The following KMT2D variants were observed in gnomAD, a reference collection of about 807,000 sequenced individuals.
KMT2D encodes histone-lysine N-methyltransferase 2D.
Under a neutral mutation model 512.7 loss-of-function variants are expected in KMT2D, and 55 were observed. The observed-to-expected ratio is 0.11, with a 90% CI of 0.09 to 0.13. The LOEUF (loss-of-function observed/expected upper bound fraction) is 0.13, where lower values mean the gene tolerates loss of function less well. Ranked by LOEUF, KMT2D falls within the 10% of genes least tolerant of loss-of-function variation. The pLI, the probability that KMT2D is intolerant of heterozygous loss-of-function variation, is 1.00. For synonymous variants in KMT2D, 2,995 were observed against 2,904.0 expected, an observed-to-expected ratio of 1.03 and a Z score of -1.01; for missense variants, 6,061 against 7,127.9, an observed-to-expected ratio of 0.85 and a Z score of 5.39.
rs1236146257 is a variant in KMT2D, at chr12:49,032,825, T to C, written c.11880A>G (p.Gln3960=). ...GCTGTTGAAACTGCTGCTGTTGTTG[T>C]TGCTGTTGCTGTTGTAGCTGCTGTT... ...QQQQQLQQQQ[Q]QQQQQFQQQQ... Residue 3960 remains glutamine, a synonymous_variant, in exon 40 of 55, where the codon CAA becomes CAG. Transcript: ENST00000301067. 6.4e-7 allele frequency: 1 copy of C among 1,550,678 alleles called. No homozygotes were observed. Among genetic ancestry groups the C allele is most frequent in the Non-Finnish European group, 8.7e-7 (1 of 1,146,950 alleles).
chr12:49,039,659 C>T lies in KMT2D; in HGVS notation c.8047-42G>A, dbSNP rs946297379. ...GAAGAGGAATAAGCCCATTCTACTC[C>T]AATCATAGGGCTGCCCCAGAGACAG... On this transcript the variant is annotated intron_variant, in intron 32 of 54. Coordinates refer to ENST00000301067, the MANE Select transcript of KMT2D (RefSeq NM_003482.4). The surrounding 1 kb of genome is among the most constrained non-coding windows in gnomAD (Gnocchi z 5.0). 7 of 1,602,462 alleles carry T rather than the reference C, an allele frequency of 4.4e-6. No homozygotes were observed. In the African/African-American group the frequency reaches 9.4e-5, roughly 21 times the overall value.
chr12:49,051,164 G>T lies in KMT2D; in HGVS notation c.2519C>A (p.Pro840Gln). Residue 840 changes from proline (P) to glutamine (Q), a missense_variant, in exon 11 of 55, where the codon CCA becomes CAA. Pro to Gln is a moderately conservative substitution (Grantham distance 76, BLOSUM62 -1). Around this residue, in one of 16 missense-constraint regions of KMT2D, gnomAD observed 848 missense variants for 838.5 expected, o/e 1.01. Coordinates refer to ENST00000301067, the MANE Select transcript of KMT2D (RefSeq NM_003482.4). The stretch of plus-strand genomic sequence containing the variant: ...TTCCTCAGGCCGGGGGGACAGGCAT[G>T]GCTCCTCAGACTGGGGGGACAGGTG... The part of the protein sequence containing the change: ...ESHLSPQSEE[P>Q]CLSPRPEESH... 6.6e-7 allele frequency: 1 copy of T among 1,517,296 alleles called. No homozygotes were observed. The highest frequency in any genetic ancestry group is 8.8e-7 in the Non-Finnish European group (1 of 1,130,826). The allele number at this position is 1,517,296 out of a possible 1,614,324, so 94.0% of individuals were successfully genotyped here.
rs747046920 is a variant in KMT2D, at chr12:49,052,973, C to T, written c.1054G>A (p.Ala352Thr). Residue 352 changes from alanine (A) to threonine (T), a missense_variant, in exon 9 of 55, where the codon GCC becomes ACC. Coordinates refer to ENST00000301067, the MANE Select transcript of KMT2D (RefSeq NM_003482.4). ...NYSLCHRCHK[A>T]QGGQTIRSVA... ...GAGCGGATAGTCTGACCTCCCTGGG[C>T]TTTGTGACAGCGGTGACAGAGAGAG... 3 of 1,614,028 alleles carry T rather than the reference C, an allele frequency of 1.9e-6. No homozygotes were observed. In the Admixed American group the frequency reaches 5.0e-5, roughly 27 times the overall value.
In KMT2D at chr12:49,038,781, T is replaced by C; in HGVS notation, c.8575A>G (p.Thr2859Ala). 6.3e-7 allele frequency: 1 copy of C among 1,596,546 alleles called. No homozygotes were observed. The highest frequency in any genetic ancestry group is 2.3e-5 in the East Asian group (1 of 43,914). Reference sequence around the variant, plus strand: ...GGCTCACCAGGGCCTGGCAGACGGGTGGAAATTCCCGCCAACGGGGAACCT... The same window carrying C: ...GGCTCACCAGGGCCTGGCAGACGGGCGGAAATTCCCGCCAACGGGGAACCT... ...ALGSPLAGIS[T>A]RLPGPGEPVP... is the part of the protein sequence containing the mutation. Residue 2859 changes from threonine to alanine, a missense_variant, in exon 35 of 55, where the codon ACC becomes GCC. Coordinates refer to ENST00000301067, the MANE Select transcript of KMT2D (RefSeq NM_003482.4). The surrounding 1 kb of genome is among the most constrained non-coding windows in gnomAD (Gnocchi z 5.7).
rs1311075312 is a variant in KMT2D, at chr12:49,052,030, T to G, written c.1653A>C (p.Glu551Asp). Residue 551 changes from glutamate (E) to aspartate (D), a missense_variant, in exon 11 of 55, where the codon GAA becomes GAC. By Grantham distance (45) the Glu-to-Asp change is conservative. Coordinates refer to ENST00000301067, the MANE Select transcript of KMT2D (RefSeq NM_003482.4). ...CCTCAGGTGGCGGGGACAAAGGAGA[T>G]TCTTCAAATGGTGGGGACAGGGGCG... ...EASPLSPPFEESPLSPPPEEL... is the reference protein window; with the variant it reads ...EASPLSPPFEDSPLSPPPEEL... 1 of 1,607,790 alleles carries G rather than the reference T, an allele frequency of 6.2e-7. No individual in the cohort carries two copies. The highest frequency in any genetic ancestry group is 1.1e-5 in the South Asian group (1 of 90,788).
chr12:49,027,891 G>A lies in KMT2D; in HGVS notation c.14555C>T (p.Thr4852Ile), dbSNP rs201597771. 20 of 1,613,530 alleles carry A rather than the reference G, an allele frequency of 1.2e-5. No individual in the cohort carries two copies. Among genetic ancestry groups the A allele is most frequent in the African/African-American group, 4.0e-5 (3 of 74,904 alleles). The change falls in exon 48 of 55, where the codon ACT becomes ATT. Residue 4852 changes from threonine to isoleucine, a missense_variant. By Grantham distance (89) the Thr-to-Ile change is moderately conservative. This residue lies in a region of KMT2D where 1,600 missense variants were observed against 1,754.9 expected (regional missense o/e 0.91). Coordinates refer to ENST00000301067, the MANE Select transcript of KMT2D (RefSeq NM_003482.4). ...EKGLEGKSPDTGPDWLKQFDA... is the reference protein window; with the variant it reads ...EKGLEGKSPDIGPDWLKQFDA... Reference sequence around the variant, plus strand: ...AAACTGCTTCAGCCAATCAGGGCCAGTGTCTGGGCTCTTGCCTTCCAGACC... The same window carrying A: ...AAACTGCTTCAGCCAATCAGGGCCAATGTCTGGGCTCTTGCCTTCCAGACC...
intron 6 of KMT2D, 69 bp downstream of exon 6, chr12:49,053,909 T>C (rs962198578): frequency 2.0e-5 from 30 of 1,510,690 alleles, no homozygotes; most frequent in Non-Finnish European, 2.6e-5. Context: ...CAGTGCTCTG[T>C]AGAGTACAAA....
rs1475873435 is a variant in KMT2D, at chr12:49,044,285, C to T, written c.5103G>A (p.Val1701=). The T allele has an allele frequency of 6.2e-7, 1 of 1,613,678 alleles. No individual in the cohort carries two copies. Among genetic ancestry groups the T allele is most frequent in the South Asian group, 1.1e-5 (1 of 91,066 alleles). Residue 1701 remains valine (V), a synonymous_variant, in exon 22 of 55, where the codon GTG becomes GTA. Transcript: ENST00000301067. This position sits in a 1 kb window ranked among gnomAD's most constrained non-coding sequence, Gnocchi z 6.4. ...PYRPGIGGFM[V]RQRKSHTRTK... ...TGCGTGTGTGGGATTTCCGCTGTCG[C>T]ACCATGAAACCACCAATGCCTATGA...
rs949877494 is a variant in KMT2D at position 49,054,211 on chromosome 12, G to T, written c.511-71C>A. On this transcript the variant is annotated intron_variant, in intron 5 of 54. Transcript: ENST00000301067. The surrounding 1 kb of genome is among the most constrained non-coding windows in gnomAD (Gnocchi z 6.4). The stretch of plus-strand genomic sequence containing the variant: ...GACAAACAGTTCAGGCACTAGCTCT[G>T]CCCCAGTATACCCATGGTCCTTCTC... The T allele has an allele frequency of 2.0e-6, 3 of 1,533,858 alleles. No homozygotes were observed. The highest frequency in any genetic ancestry group is 2.4e-5 in the East Asian group (1 of 41,164).
rs2120718083 is a variant in KMT2D, at chr12:49,055,269, T to C, written c.49+7A>G. On this transcript the variant is annotated splice_region_variant and intron_variant, in intron 2 of 54. Transcript: ENST00000301067. ...CTAAAAGCAAACAAACAATTTGTCC[T>C]ACTCACCTGCCGGTTCTGAATCTTT... 1.2e-6 allele frequency: 2 copies of C among 1,613,924 alleles called. No individual in the cohort carries two copies. Among genetic ancestry groups the C allele is most frequent in the Non-Finnish European group, 1.7e-6 (2 of 1,179,784 alleles).
chr12:49,041,037 G>A lies in KMT2D; in HGVS notation c.6733C>T (p.Leu2245Phe), dbSNP rs201931833. 1 of 1,567,318 alleles carries A rather than the reference G, an allele frequency of 6.4e-7. No individual in the cohort carries two copies. Among genetic ancestry groups the A allele is most frequent in the South Asian group, 1.2e-5 (1 of 83,300 alleles). ...RHQPSTPDPFLKPRCPSLDNL... is the reference protein window; with the variant it reads ...RHQPSTPDPFFKPRCPSLDNL... ...TCCAGCGAGGGGCAGCGGGGTTTGAGGAATGGGTCAGGTGTGGAGGGCTGG... is the reference window on the plus strand; with the variant it reads ...TCCAGCGAGGGGCAGCGGGGTTTGAAGAATGGGTCAGGTGTGGAGGGCTGG... Residue 2245 changes from leucine (L) to phenylalanine (F), a missense_variant, in exon 32 of 55, where the codon CTC becomes TTC. Coordinates refer to ENST00000301067, the MANE Select transcript of KMT2D (RefSeq NM_003482.4). The surrounding 1 kb of genome is among the most constrained non-coding windows in gnomAD (Gnocchi z 5.4).
chr12:49,055,124 CAG>C (rs1347107415), intron 2 of KMT2D, 98 bp from the exon 3 acceptor site: 5 of 1,562,694 alleles, frequency 3.2e-6, no homozygotes, highest in Non-Finnish European at 4.4e-6. Context: ...CTGAGTGGAT[CAG>C]AGTGATGATA....
intron 1 of KMT2D, among the ~76,000 whole-genome samples, chr12:49,057,831 C>T (rs1056835523): frequency 6.6e-6 from 1 of 152,188 alleles, no homozygotes; most frequent in Non-Finnish European, 1.5e-5. Flanking sequence ...ACCAGGCTTT[C>T]TCCACAGAAC....
rs1484575962 is a variant in KMT2D, at chr12:49,049,900, G to A, written c.3688C>T (p.Pro1230Ser). Residue 1230 changes from proline (P) to serine (S), a missense_variant, in exon 12 of 55, where the codon CCA becomes TCA. Pro to Ser is a moderately conservative substitution (Grantham distance 74). This residue lies in a region of KMT2D where 447 missense variants were observed against 500.1 expected (regional missense o/e 0.89). Coordinates refer to ENST00000301067, the MANE Select transcript of KMT2D (RefSeq NM_003482.4). ...AGGGAGCCACCCCCCTCCGGGTCTG[G>A]AGAGCCCAGGAGGGGCTCTGAGCCA... ...FPGSEPLLGS[P>S]DPEGGGSLSM... is the part of the protein sequence containing the mutation. The A allele has an allele frequency of 6.2e-7, 1 of 1,613,870 alleles. No homozygotes were observed. The highest frequency in any genetic ancestry group is 1.7e-5 in the Admixed American group (1 of 60,034).
chr12:49,033,039 A>G lies in KMT2D; in HGVS notation c.11666T>C (p.Leu3889Pro), dbSNP rs1392177239. Reference protein sequence around the residue: ...SLMSHSGQPKLSAQPMGSLQQ... With the variant: ...SLMSHSGQPKPSAQPMGSLQQ... The stretch of plus-strand genomic sequence containing the variant: ...TAAAGAGCCCATGGGCTGAGCGCTC[A>G]GTTTGGGCTGCCCACTGTGTGACAT... The change falls in exon 40 of 55, where the codon CTG (leucine) becomes CCG (proline). Residue 3889 changes from leucine to proline, a missense_variant. This residue lies in a region of KMT2D where 1,600 missense variants were observed against 1,754.9 expected (regional missense o/e 0.91). Transcript: ENST00000301067. 2 of 1,551,170 alleles carry G rather than the reference A, an allele frequency of 1.3e-6. No homozygotes were observed. Among genetic ancestry groups the G allele is most frequent in the African/African-American group, 2.7e-5 (2 of 72,872 alleles).
At position 49,054,654 on chromosome 12, in the gene KMT2D, G is replaced by C. The variant is rs750283044; in HGVS notation, c.274C>G (p.Pro92Ala). 3 of 1,612,730 alleles carry C rather than the reference G, an allele frequency of 1.9e-6. No individual in the cohort carries two copies. Among genetic ancestry groups the C allele is most frequent in the East Asian group, 2.2e-5 (1 of 44,840 alleles). The stretch of plus-strand genomic sequence containing the variant: ...CCAGGGGACACCACTGGACACCGGG[G>C]CCAATCAAATGGCAACTCAAAGCGC... ...LRRFELPFDW[P>A]RCPVVSPGGS... is the part of the protein sequence containing the mutation. Residue 92 changes from proline (P) to alanine (A), a missense_variant, in exon 4 of 55, where the codon CCC (proline) becomes GCC (alanine). This residue lies in a region of KMT2D where 144 missense variants were observed against 165.7 expected (regional missense o/e 0.87). Coordinates refer to ENST00000301067, the MANE Select transcript of KMT2D (RefSeq NM_003482.4). This position sits in a 1 kb window ranked among gnomAD's most constrained non-coding sequence, Gnocchi z 6.4.
In KMT2D at chr12:49,054,776, C is replaced by T. The variant is rs1451346072; in HGVS notation, c.177-25G>A. The T allele has an allele frequency of 1.2e-6, 2 of 1,609,470 alleles. No homozygotes were observed. The highest frequency in any genetic ancestry group is 1.7e-6 in the Non-Finnish European group (2 of 1,176,186). ...ACTGTGGACACACAAGCATCAGTACCACGCCAGGCCCCCAGCAACCCCATG... is the reference window on the plus strand; with the variant it reads ...ACTGTGGACACACAAGCATCAGTACTACGCCAGGCCCCCAGCAACCCCATG... On this transcript the variant is annotated intron_variant, in intron 3 of 54. Coordinates refer to ENST00000301067, the MANE Select transcript of KMT2D (RefSeq NM_003482.4). This position sits in a 1 kb window ranked among gnomAD's most constrained non-coding sequence, Gnocchi z 6.4.
chr12:49,036,471 C>G (rs1222690813), intron 35 of KMT2D, among the ~76,000 whole-genome samples: 2 of 149,626 alleles, frequency 1.3e-5, no homozygotes, highest in Non-Finnish European at 3.0e-5. Flanking sequence ...ACCACCACAC[C>G]CAGCTAATTT....
At position 49,021,045 on chromosome 12, in the gene KMT2D, G is replaced by C. The variant is rs1269866593; in HGVS notation, c.*735C>G. Reference sequence around the variant, plus strand: ...GGTGGGGGAGAGGGTTGGGGCAGTAGGGGGCTTGGAGAGGGTCTCACATTT... The same window carrying C: ...GGTGGGGGAGAGGGTTGGGGCAGTACGGGGCTTGGAGAGGGTCTCACATTT... On this transcript the variant is annotated 3_prime_UTR_variant, in exon 55 of 55. Coordinates refer to ENST00000301067, the MANE Select transcript of KMT2D (RefSeq NM_003482.4). 1 of 197,560 alleles carries C rather than the reference G, an allele frequency of 5.1e-6. No homozygotes were observed. Among genetic ancestry groups the C allele is most frequent in the Non-Finnish European group, 1.0e-5 (1 of 95,352 alleles). The allele number at this position is 197,560 out of a possible 1,614,324, so 12.2% of individuals were successfully genotyped here. A position where few individuals can be genotyped will look rare whatever the true frequency, so the allele number is the denominator to read the frequency against.
Sources: allele counts gnomAD v4.1 joint callset (sites outside exome capture counted in the v4.1 genomes callset), GRCh38; gene constraint gnomAD v4.1.1; regional missense constraint gnomAD v4.1.1; non-coding constraint Gnocchi (gnomAD v3.1); transcripts MANE v1.5; gene names NCBI Gene and HGNC (gene_info 2026-07-23, HGNC 2026-07-21).